Variants in MMP26 observed in about 807,000 individuals in gnomAD.
MMP26 encodes matrix metalloproteinase-26.
MMP26 carries 33 observed loss-of-function variants against 31.0 expected under a neutral mutation model. The ratio of observed to expected loss-of-function variants is 1.06; its 90% CI spans 0.81 to 1.42. The LOEUF is 1.42. Among genes scored for constraint, MMP26 ranks in the 40% most tolerant of loss-of-function variants. The pLI is 0.00. For synonymous variants in MMP26, 122 were observed against 114.9 expected (o/e 1.06, Z -0.40); for missense variants, 347 against 316.1 (o/e 1.10, Z -0.74).
intron 2 of MMP26, among the ~76,000 whole-genome samples, chr11:4,917,458 T>C (rs1168101106): frequency 6.6e-6 from 1 of 152,206 alleles, no homozygotes; most frequent in Non-Finnish European, 1.5e-5. Flanking sequence ...TTTAAAAGCA[T>C]TGCTGATTCT....
At chr11:4,879,935 C>T (rs751338075) in intron 2 of MMP26, among the ~76,000 whole-genome samples, 11 of 152,128 alleles carry the variant, frequency 7.2e-5, no homozygotes, top group Non-Finnish European at 1.0e-4. Flanking sequence ...ATTCCTTAGC[C>T]TAAGGCTGGG....
At chr11:4,814,227 C>T (rs570739088) in intron 2 of MMP26, among the ~76,000 whole-genome samples, 5 of 152,206 alleles carry the variant, frequency 3.3e-5, no homozygotes, top group African/African-American at 7.2e-5. Flanking sequence ...TCCTTTTGAG[C>T]GAGCAATTTC....
intron 2 of MMP26, among the ~76,000 whole-genome samples, chr11:4,786,217 G>T (rs16938617): frequency 2.0e-5 from 3 of 152,110 alleles, no homozygotes; most frequent in Non-Finnish European, 4.4e-5. Flanking sequence ...TCAGGCAAAA[G>T]GAAAGCAGAT....
At chr11:4,773,089 A>G (rs1054512096) in intron 2 of MMP26, among the ~76,000 whole-genome samples, 3 of 152,190 alleles carry the variant, frequency 2.0e-5, no homozygotes, top group African/African-American at 7.2e-5. Flanking sequence ...TGTCTTAAAG[A>G]GCTAACTATC....
chr11:4,977,913 C>T (rs1846759445), intron 2 of MMP26, among the ~76,000 whole-genome samples: 2 of 152,032 alleles, frequency 1.3e-5, no homozygotes, highest in South Asian at 4.2e-4. Flanking sequence ...TTTGTGTCCC[C>T]ACCCAAATCT....
At chr11:4,740,168 TA>T (rs922518664) in intron 1 of MMP26, among the ~76,000 whole-genome samples, 4 of 147,856 alleles carry the variant, frequency 2.7e-5, no homozygotes, top group East Asian at 1.9e-4. Context: ...ATATAAAAAA[TA>T]AAAATAAGAT....
chr11:4,724,086 G>C, intron 1 of MMP26: 1 of 646,836 alleles, frequency 1.5e-6, no homozygotes. Flanking sequence ...GCAGGCACCA[G>C]GTCCACTCGT....
At chr11:4,841,129 C>G (rs1251021829) in intron 2 of MMP26, among the ~76,000 whole-genome samples, 2 of 151,448 alleles carry the variant, frequency 1.3e-5, no homozygotes, top group Non-Finnish European at 2.9e-5. Flanking sequence ...GGAGACAAAA[C>G]AAAAAAGAAT....
chr11:4,774,219 T>C (rs1249306998), intron 2 of MMP26, among the ~76,000 whole-genome samples: 10 of 152,214 alleles, frequency 6.6e-5, no homozygotes, highest in Non-Finnish European at 1.5e-4. Context: ...TCTTCCAAAA[T>C]GGTTGAACTA....
At chr11:4,927,028 C>T (rs1851282811) in intron 2 of MMP26, among the ~76,000 whole-genome samples, 1 of 152,110 alleles carries the variant, frequency 6.6e-6, no homozygotes, top group South Asian at 2.1e-4. Flanking sequence ...ATCTGATTTC[C>T]TCCACTAGAC....
At chr11:4,880,539 C>T (rs1409173080) in intron 2 of MMP26, among the ~76,000 whole-genome samples, 1 of 151,960 alleles carries the variant, frequency 6.6e-6, no homozygotes, top group Non-Finnish European at 1.5e-5. Flanking sequence ...CTTTCTGTGG[C>T]CATAATTGTT....
At chr11:4,978,463 T>C (rs1442173099) in intron 2 of MMP26, among the ~76,000 whole-genome samples, 1 of 152,114 alleles carries the variant, frequency 6.6e-6, no homozygotes, top group African/African-American at 2.4e-5. Flanking sequence ...TAAAATTATG[T>C]CTTTTGGTAC....
intron 1 of MMP26, among the ~76,000 whole-genome samples, chr11:4,758,541 A>C (rs775843876): frequency 6.6e-6 from 1 of 151,916 alleles, no homozygotes; most frequent in Non-Finnish European, 1.5e-5. Flanking sequence ...CTGATGGTTA[A>C]ATATGTAAAT....
At position 4,990,854 on chromosome 11, in the gene MMP26, A is replaced by T. The variant is rs1329976739; in HGVS notation, c.469+108A>T. 45 of 1,252,074 alleles carry T rather than the reference A, an allele frequency of 3.6e-5. No homozygotes were observed. In the Admixed American group the frequency reaches 1.1e-3, roughly 31 times the overall value. 77.6% of individuals were successfully genotyped at this position (1,252,074 alleles called of 1,614,324 possible). Reference sequence around the variant, plus strand: ...CCCCCCTATTAAAGTTTCTGAGAAAAAAAGTCTGACAAAACCCTACTGCAA... The same window carrying T: ...CCCCCCTATTAAAGTTTCTGAGAAATAAAGTCTGACAAAACCCTACTGCAA... On this transcript the variant is annotated intron_variant, in intron 5 of 7. Coordinates refer to ENST00000380390, the MANE Select transcript of MMP26 (RefSeq NM_021801.5).
intron 2 of MMP26, among the ~76,000 whole-genome samples, chr11:4,885,778 T>C (rs1850538635): frequency 6.6e-6 from 1 of 152,152 alleles, no homozygotes; most frequent in South Asian, 2.1e-4. Context: ...ATTTACCTGC[T>C]ATTATTCATT....
chr11:4,961,671 A>G (rs374640922), intron 2 of MMP26, among the ~76,000 whole-genome samples: 27 of 152,224 alleles, frequency 1.8e-4, no homozygotes, highest in African/African-American at 5.8e-4. Context: ...GTACTAATCT[A>G]TTCTTCAGAA....
Position 4,992,079 on chromosome 11 carries a change from C to A in MMP26, c.711C>A (p.Thr237=), listed in dbSNP as rs1464695536. The A allele has an allele frequency of 1.2e-6, 2 of 1,613,912 alleles. No individual in the cohort carries two copies. The highest frequency in any genetic ancestry group is 1.7e-6 in the Non-Finnish European group (2 of 1,179,960). ...YPTYWYHDPR[T]FQLSADDIQR... is the part of the protein sequence containing the mutation. ...CTTACTGGTATCACGACCCTAGAAC[C>A]TTCCAGCTCAGTGCCGATGATATCC... is the stretch of plus-strand genomic sequence containing the variant. Residue 237 remains threonine (T), a synonymous_variant, in exon 7 of 8, where the codon ACC becomes ACA. Coordinates refer to ENST00000380390, the MANE Select transcript of MMP26 (RefSeq NM_021801.5).
intron 2 of MMP26, among the ~76,000 whole-genome samples, chr11:4,964,735 G>A (rs1293123346): frequency 6.6e-6 from 1 of 152,150 alleles, no homozygotes; most frequent in African/African-American, 2.4e-5. Flanking sequence ...ATACTATGCA[G>A]CTGTAAAATG....
Position 4,952,917 on chromosome 11 carries a change from T to G in MMP26, c.-144-35151T>G, listed in dbSNP as rs79780154. ...ATTATTTTTTTTAAGCATTTGACAT[T>G]CCTGGAAGGTGTTTCTTGATTTACC... On this transcript the variant is annotated intron_variant, in intron 2 of 7. Transcript: ENST00000380390. 6.7e-3 allele frequency among the ~76,000 whole-genome samples: 832 copies of G among 124,556 alleles called. 160 individuals are homozygous for G. The highest frequency in any genetic ancestry group is 0.022 in the African/African-American group (810 of 36,626). 81.7% of individuals were successfully genotyped at this position (124,556 alleles called of 152,430 possible). A position where few individuals can be genotyped will look rare whatever the true frequency, so the allele number is the denominator to read the frequency against.
Sources: allele counts gnomAD v4.1 joint callset (sites outside exome capture counted in the v4.1 genomes callset), GRCh38; gene constraint gnomAD v4.1.1; transcripts MANE v1.5; gene names NCBI Gene and HGNC (gene_info 2026-07-23, HGNC 2026-07-21).